PRTG: variants seen among roughly 807,000 people sequenced by gnomAD.
PRTG encodes immunoglobulin superfamily, DCC subclass, member 5.
In PRTG, 67 loss-of-function variants were observed where a neutral mutation model predicts 122.5. That is an observed-to-expected ratio of 0.55 (90% CI 0.45 to 0.67). The LOEUF (loss-of-function observed/expected upper bound fraction) is 0.67, where lower values mean the gene tolerates loss of function less well. Among genes scored for constraint, PRTG ranks in the 30% least tolerant of loss-of-function variants. PRTG has a pLI of 0.00. For missense variants in PRTG, 1,435 were observed against 1,415.4 expected (o/e 1.01, Z -0.22); for synonymous variants, 554 against 501.1 (o/e 1.11, Z -1.41).
At chr15:55,641,332 T>A in intron 11 of PRTG, 124 bp from the exon 12 acceptor site, 1 of 626,798 alleles carries the variant, frequency 1.6e-6, no homozygotes, top group African/African-American at 1.8e-5. Flanking sequence ...CTCAGTAATA[T>A]AAAATTACTG....
intron 11 of PRTG, among the ~76,000 whole-genome samples, chr15:55,657,761 A>G (rs2059388370): frequency 6.6e-6 from 1 of 152,214 alleles, no homozygotes; most frequent in African/African-American, 2.4e-5. Flanking sequence ...CATGCAATAA[A>G]GAACATAATC....
At chr15:55,684,926 T>C (rs997692613) in intron 2 of PRTG, among the ~76,000 whole-genome samples, 4 of 151,992 alleles carry the variant, frequency 2.6e-5, no homozygotes, top group South Asian at 4.1e-4. Context: ...TCTTGAAGGG[T>C]TGGTATTTTC....
intron 2 of PRTG, chr15:55,738,722 G>A (rs2141895642): frequency 2.9e-6 from 1 of 344,740 alleles, no homozygotes; most frequent in African/African-American, 2.1e-5. Flanking sequence ...ACGGGGGAAG[G>A]AGGGAAGGAA....
intron 7 of PRTG, 28 bp from the exon 8 acceptor site, chr15:55,678,072 T>C (rs1489245942): frequency 1.4e-6 from 2 of 1,404,142 alleles, no homozygotes; most frequent in Non-Finnish European, 9.9e-7. Flanking sequence ...ATTATTTCCA[T>C]GAAAAATTCT....
rs2059157139 is a variant in PRTG at position 55,619,983 on chromosome 15, C to T, written c.*29G>A. Reference sequence around the variant, plus strand: ...TCTTCACACTTCCTCAATGCGGAATCTCCACCTGAATCACTGCCAGTGAAA... The same window carrying T: ...TCTTCACACTTCCTCAATGCGGAATTTCCACCTGAATCACTGCCAGTGAAA... On this transcript the variant is annotated 3_prime_UTR_variant, in exon 20 of 20. Transcript: ENST00000389286. 1 of 1,611,968 alleles carries T rather than the reference C, an allele frequency of 6.2e-7. No homozygotes were observed. Among genetic ancestry groups the T allele is most frequent in the East Asian group, 2.2e-5 (1 of 44,872 alleles).
chr15:55,613,460 C>T lies in PRTG; in HGVS notation c.*6552G>A, dbSNP rs1212562455. The stretch of plus-strand genomic sequence containing the variant: ...TTGACTAGAAAAGGACTCTAGAAAC[C>T]ATGCCTACCTTATTTGTAATGTAAC... On this transcript the variant is annotated 3_prime_UTR_variant, in exon 20 of 20. Transcript: ENST00000389286. The T allele has an allele frequency of 6.6e-6, 1 of 151,988 alleles. No homozygotes were observed. Among genetic ancestry groups the T allele is most frequent in the Non-Finnish European group, 1.5e-5 (1 of 67,952 alleles). 9.4% of individuals were successfully genotyped at this position (151,988 alleles called of 1,614,324 possible). A position where few individuals can be genotyped will look rare whatever the true frequency, so the allele number is the denominator to read the frequency against.
intron 11 of PRTG, among the ~76,000 whole-genome samples, chr15:55,644,868 T>A (rs2059311755): frequency 6.6e-6 from 1 of 151,778 alleles, no homozygotes; most frequent in East Asian, 1.9e-4. Flanking sequence ...AATAAAGGAG[T>A]GAGAAACCCC....
At chr15:55,679,760 A>C in intron 6 of PRTG, 1 of 427,624 alleles carries the variant, frequency 2.3e-6, no homozygotes, top group Non-Finnish European at 4.1e-6. Flanking sequence ...CAAGAGATTA[A>C]ATTTTTAAAT....
At chr15:55,656,475 C>T (rs2059380875) in intron 11 of PRTG, 1 of 379,982 alleles carries the variant, frequency 2.6e-6, no homozygotes, top group Non-Finnish European at 5.1e-6. Flanking sequence ...TGAAGAGAAA[C>T]ATGACTTCGA....
At chr15:55,691,894 CA>C (rs1440615783) in intron 2 of PRTG, among the ~76,000 whole-genome samples, 1 of 151,138 alleles carries the variant, frequency 6.6e-6, no homozygotes, top group African/African-American at 2.4e-5. Flanking sequence ...AAAATTAGCC[CA>C]GTGTGGTGGT....
intron 16 of PRTG, 32 bp downstream of exon 16, chr15:55,628,789 GA>G: frequency 6.5e-7 from 1 of 1,535,348 alleles, no homozygotes; most frequent in Non-Finnish European, 8.8e-7. Flanking sequence ...TTTTTCTTAA[GA>G]AAAATCACAG....
chr15:55,681,970 A>G (rs543937639), intron 4 of PRTG, among the ~76,000 whole-genome samples: 26 of 152,344 alleles, frequency 1.7e-4, no homozygotes, highest in Middle Eastern at 6.8e-3. Context: ...TAGTATAACA[A>G]TGATTTACAT....
At chr15:55,678,581 A>T (rs925245261) in intron 7 of PRTG, among the ~76,000 whole-genome samples, 3 of 152,202 alleles carry the variant, frequency 2.0e-5, no homozygotes, top group Non-Finnish European at 4.4e-5. Flanking sequence ...GTTACTGAAA[A>T]CAAAACAAAA....
rs966325314 is a variant in PRTG at position 55,679,921 on chromosome 15, T to C, written c.973+133A>G. On this transcript the variant is annotated intron_variant, in intron 6 of 19. Coordinates refer to ENST00000389286, the MANE Select transcript of PRTG (RefSeq NM_173814.6). ...TTTAACATAAATATTTGTTTTTTCCTGAAATTCATCATTTGATTACAATAC... is the reference window on the plus strand; with the variant it reads ...TTTAACATAAATATTTGTTTTTTCCCGAAATTCATCATTTGATTACAATAC... The C allele has an allele frequency of 1.7e-5, 12 of 711,074 alleles. No individual in the cohort carries two copies. The Admixed American group carries it at 2.4e-4, about 14-fold the overall frequency. The allele number at this position is 711,074 out of a possible 1,614,324, so 44.0% of individuals were successfully genotyped here. A position where few individuals can be genotyped will look rare whatever the true frequency, so the allele number is the denominator to read the frequency against.
At chr15:55,721,631 C>T (rs914669090) in intron 2 of PRTG, among the ~76,000 whole-genome samples, 11 of 152,140 alleles carry the variant, frequency 7.2e-5, no homozygotes, top group South Asian at 2.1e-4. Flanking sequence ...GGATCTCTCC[C>T]TGTATTACTC....
chr15:55,641,182 G>T lies in PRTG; in HGVS notation c.2068C>A (p.Leu690Ile), dbSNP rs371274747. The T allele has an allele frequency of 6.2e-7, 1 of 1,613,624 alleles. No individual in the cohort carries two copies. The highest frequency in any genetic ancestry group is 8.5e-7 in the Non-Finnish European group (1 of 1,179,600). Residue 690 changes from leucine (L) to isoleucine (I), a missense_variant, in exon 12 of 20, where the codon CTC (leucine) becomes ATC (isoleucine). Leu to Ile is a conservative substitution (Grantham distance 5, BLOSUM62 2). Transcript: ENST00000389286. ...TCGTCTATGTTGTTGTAAGCCAGGA[G>T]TCTCACATGATATTTTCTTCTGGGG... is the stretch of plus-strand genomic sequence containing the variant. ...LDPRRKYHVR[L>I]LAYNNIDDGY...
chr15:55,725,889 A>T (rs2031012283), intron 2 of PRTG, among the ~76,000 whole-genome samples: 1 of 152,124 alleles, frequency 6.6e-6, no homozygotes, highest in Admixed American at 6.5e-5. Flanking sequence ...CTTCTGCCTC[A>T]GCCTCCGGAG....
intron 18 of PRTG, among the ~76,000 whole-genome samples, 179 bp from the exon 19 acceptor site, chr15:55,620,946 G>A (rs2141706663): frequency 6.6e-6 from 1 of 152,298 alleles, no homozygotes; most frequent in Admixed American, 6.5e-5. Context: ...TACATATTGT[G>A]TGGTAGTGGG....
intron 4 of PRTG, among the ~76,000 whole-genome samples, chr15:55,681,733 C>G (rs1419915634): frequency 6.6e-6 from 1 of 152,038 alleles, no homozygotes; most frequent in Non-Finnish European, 1.5e-5. Context: ...AAACGACAAG[C>G]AAAAGAATAC....
Sources: allele counts gnomAD v4.1 joint callset (sites outside exome capture counted in the v4.1 genomes callset), GRCh38; gene constraint gnomAD v4.1.1; transcripts MANE v1.5; gene names NCBI Gene and HGNC (gene_info 2026-07-23, HGNC 2026-07-21).